APC2: variants seen among roughly 807,000 people sequenced by gnomAD.
The protein encoded by APC2 is APC regulator of Wnt signaling pathway 2.
In APC2, 41 loss-of-function variants were observed where a neutral mutation model predicts 72.5. That is an observed-to-expected ratio of 0.57 (90% CI 0.44 to 0.73). The LOEUF (loss-of-function observed/expected upper bound fraction) is 0.73, where lower values mean the gene tolerates loss of function less well. APC2 is among the 30% of genes least tolerant of loss of function. The pLI, the probability that APC2 is intolerant of heterozygous loss-of-function variation, is 0.00. For synonymous variants in APC2, 1,898 were observed against 1,612.0 expected (o/e 1.18, Z -4.25); for missense variants, 3,729 against 3,403.4 (o/e 1.10, Z -2.38).
At chr19:1,456,432 G>T in intron 8 of APC2, 28 bp downstream of exon 8, 1 of 1,560,304 alleles carries the variant, frequency 6.4e-7, no homozygotes, top group Non-Finnish European at 8.7e-7. Context: ...ACGGGGGCTG[G>T]CGCAGCTGTC....
At position 1,465,321 on chromosome 19, in the gene APC2, A is replaced by T. The variant is rs1261183554; in HGVS notation, c.2020A>T (p.Asn674Tyr). ...WDLGAVGMLR[N>Y]LVHSKHKMIA... Reference sequence around the variant, plus strand: ...CCTGGGCGCCGTGGGCATGCTGCGTAATCTGGTGCACTCCAAGCACAAGAT... The same window carrying T: ...CCTGGGCGCCGTGGGCATGCTGCGTTATCTGGTGCACTCCAAGCACAAGAT... The change falls in exon 15 of 15, where the codon AAT becomes TAT. Residue 674 changes from asparagine (N) to tyrosine (Y), a missense_variant. Physicochemically the swap from Asn to Tyr is moderately radical, Grantham distance 143. Transcript: ENST00000590469. The T allele has an allele frequency of 6.3e-7, 1 of 1,595,122 alleles. No homozygotes were observed.
chr19:1,468,779 C>G lies in APC2; in HGVS notation c.5478C>G (p.Pro1826=), dbSNP rs747343187. 6.6e-7 allele frequency: 1 copy of G among 1,510,938 alleles called. No homozygotes were observed. The highest frequency in any genetic ancestry group is 8.8e-7 in the Non-Finnish European group (1 of 1,130,832). 93.6% of individuals were successfully genotyped at this position (1,510,938 alleles called of 1,614,324 possible). A position where few individuals can be genotyped will look rare whatever the true frequency, so the allele number is the denominator to read the frequency against. ...RKVAPPCLAQ[P]AAPAKVPSPG... ...TGGCGCCCCCTTGCCTGGCACAGCC[C>G]GCGGCTCCAGCCAAAGTCCCGAGCC... is the stretch of plus-strand genomic sequence containing the variant. The change falls in exon 15 of 15, where the codon CCC becomes CCG. Residue 1826 remains proline (P), a synonymous_variant. Transcript: ENST00000590469.
At position 1,469,112 on chromosome 19, in the gene APC2, CCGGCGTGGG is replaced by C. The variant is rs2084083953; in HGVS notation, c.5813_5821del (p.Arg1938_Gly1940del). On this transcript the variant is annotated inframe_deletion, in exon 15 of 15. Transcript: ENST00000590469. ...GGATCCCGTTCATGCAGAGGCCGGC[CCGGCGTGGG>C]CCGCCACCGCTGGCTCGGGCAGTCC... 1.1e-5 allele frequency: 15 copies of C among 1,370,402 alleles called. No individual in the cohort carries two copies. Among genetic ancestry groups the C allele is most frequent in the Non-Finnish European group, 1.4e-5 (15 of 1,052,692 alleles). 84.9% of individuals were successfully genotyped at this position (1,370,402 alleles called of 1,614,324 possible).
At chr19:1,454,919 C>A (rs2145188201) in intron 4 of APC2, among the ~76,000 whole-genome samples, 1 of 151,858 alleles carries the variant, frequency 6.6e-6, no homozygotes, top group African/African-American at 2.4e-5. Flanking sequence ...GAGGGGGTCT[C>A]GCTATGTTGC....
chr19:1,470,140 TG>T lies in APC2; in HGVS notation c.6841del (p.Val2281TrpfsTer54), dbSNP rs1479290031. On this transcript the variant is annotated frameshift_variant, in exon 15 of 15. Transcript: ENST00000590469. LOFTEE classifies it low-confidence loss of function (END_TRUNC). Reference protein sequence around the residue: ...VPPFNYVPSPMVVAATTDSAA... With the variant: ...VPPFNYVPSPXVVAATTDSAA... ...CCCTTCAACTATGTGCCCAGCCCCA[TG>T]GTGGTCGCAGCCACCACCGACTCGG... is the stretch of plus-strand genomic sequence containing the variant. The T allele has an allele frequency of 6.2e-7, 1 of 1,602,376 alleles. No homozygotes were observed.
chr19:1,468,666 CG>C lies in APC2; in HGVS notation c.5369del (p.Gly1790AspfsTer4). Reference protein sequence around the residue: ...KTTPGVPAVLRGRTVIYVPSP... With the variant: ...KTTPGVPAVLXGRTVIYVPSP... The stretch of plus-strand genomic sequence containing the variant: ...CACGCCCGGGGTGCCAGCTGTGCTC[CG>C]GGGACGAACAGTGATCTACGTCCCC... On this transcript the variant is annotated frameshift_variant, in exon 15 of 15. Transcript: ENST00000590469. LOFTEE classifies it low-confidence loss of function (END_TRUNC). 1.3e-6 allele frequency: 2 copies of C among 1,580,356 alleles called. No individual in the cohort carries two copies. The highest frequency in any genetic ancestry group is 8.6e-7 in the Non-Finnish European group (1 of 1,161,030).
At chr19:1,457,696 T>C (rs1479857431) in intron 9 of APC2, 8 of 549,882 alleles carry the variant, frequency 1.5e-5, no homozygotes, top group Admixed American at 3.1e-5. Flanking sequence ...AGACCCTGTC[T>C]CGTCAGTTTT....
rs771753228 is a variant in APC2, at chr19:1,468,977, G to C, written c.5676G>C (p.Pro1892=). 3.2e-6 allele frequency: 5 copies of C among 1,558,002 alleles called. No homozygotes were observed. The South Asian group carries it at 5.9e-5, about 18-fold the overall frequency. ...ASQPLPRKRP[P]VTQAAGALPG... ...AGCCCCTGCCCAGAAAGCGCCCCCC[G>C]GTCACCCAGGCTGCTGGGGCCCTGC... The change falls in exon 15 of 15, where the codon CCG becomes CCC. Residue 1892 remains proline, a synonymous_variant. Coordinates refer to ENST00000590469, the MANE Select transcript of APC2 (RefSeq NM_005883.3).
At chr19:1,462,933 T>A (rs2083951050) in intron 14 of APC2, among the ~76,000 whole-genome samples, 3 of 148,834 alleles carry the variant, frequency 2.0e-5, no homozygotes, top group Non-Finnish European at 4.4e-5. Context: ...ATTGTGCCAC[T>A]GCACTCCAGA....
chr19:1,460,695 C>T, intron 11 of APC2, 85 bp from the exon 12 acceptor site: 1 of 1,363,716 alleles, frequency 7.3e-7, no homozygotes, highest in Non-Finnish European at 1.0e-6. Flanking sequence ...TTTGCAGCTG[C>T]AGCACACAGA....
At chr19:1,463,396 C>G (rs1260486365) in intron 14 of APC2, among the ~76,000 whole-genome samples, 2 of 141,166 alleles carry the variant, frequency 1.4e-5, no homozygotes, top group African/African-American at 5.6e-5. Context: ...CCAGCCTGGG[C>G]GACAGAGGGG....
At position 1,460,824 on chromosome 19, in the gene APC2, C is replaced by T. The variant is rs771021977; in HGVS notation, c.1488C>T (p.Ala496=). The part of the protein sequence containing the change: ...ARRGCMEAIV[A]QLASDSEELH... ...GCGGCTGCATGGAGGCCATCGTGGC[C>T]CAGCTGGCCTCCGACAGTGAGGAGC... is the stretch of plus-strand genomic sequence containing the variant. Residue 496 remains alanine (A), a synonymous_variant, in exon 12 of 15, where the codon GCC becomes GCT. Coordinates refer to ENST00000590469, the MANE Select transcript of APC2 (RefSeq NM_005883.3). The T allele has an allele frequency of 6.8e-6, 11 of 1,613,074 alleles. 1 individual carries two copies. The South Asian group carries it at 1.1e-4, about 16-fold the overall frequency.
In APC2 at chr19:1,460,654, C is replaced by T. The variant is rs548638704; in HGVS notation, c.1444-126C>T. 4.3e-5 allele frequency: 45 copies of T among 1,047,598 alleles called. 1 individual carries two copies. The highest frequency in any genetic ancestry group is 1.7e-4 in the South Asian group (11 of 63,502). The allele number at this position is 1,047,598 out of a possible 1,614,324, so 64.9% of individuals were successfully genotyped here. A position where few individuals can be genotyped will look rare whatever the true frequency, so the allele number is the denominator to read the frequency against. On this transcript the variant is annotated intron_variant, in intron 11 of 14. Coordinates refer to ENST00000590469, the MANE Select transcript of APC2 (RefSeq NM_005883.3). ...GACCTGAGCATGGGGTAACCGTCCCCGGTAGTGGTCAGGATCAGCAGGGGT... is the reference window on the plus strand; with the variant it reads ...GACCTGAGCATGGGGTAACCGTCCCTGGTAGTGGTCAGGATCAGCAGGGGT...
rs1275836503 is a variant in APC2, at chr19:1,469,569, G to T, written c.6268G>T (p.Ala2090Ser). 8.1e-7 allele frequency: 1 copy of T among 1,241,320 alleles called. No homozygotes were observed. Among genetic ancestry groups the T allele is most frequent in the South Asian group, 1.8e-5 (1 of 55,094 alleles). The allele number at this position is 1,241,320 out of a possible 1,614,324, so 76.9% of individuals were successfully genotyped here. ...GTCCCGCCTGCCTGTGCGCGCGCCC[G>T]CCGCCCGGCCGGAGACTGTCAAGCG... is the stretch of plus-strand genomic sequence containing the variant. Reference protein sequence around the residue: ...SPSRLPVRAPAARPETVKRYA... With the variant: ...SPSRLPVRAPSARPETVKRYA... Residue 2090 changes from alanine to serine, a missense_variant, in exon 15 of 15, where the codon GCC becomes TCC. Coordinates refer to ENST00000590469, the MANE Select transcript of APC2 (RefSeq NM_005883.3).
In APC2 at chr19:1,467,738, G is replaced by A. The variant is rs897498631; in HGVS notation, c.4437G>A (p.Lys1479=). The change falls in exon 15 of 15, where the codon AAG becomes AAA. Residue 1479 remains lysine, a synonymous_variant. Transcript: ENST00000590469. ...LGRPPSAPAD[K]DGSKPGRTRG... ...GGCCCCCGAGCGCCCCCGCAGACAA[G>A]GACGGCTCAAAGCCCGGCCGGACCC... 2 of 1,438,944 alleles carry A rather than the reference G, an allele frequency of 1.4e-6. No individual in the cohort carries two copies. The highest frequency in any genetic ancestry group is 1.8e-6 in the Non-Finnish European group (2 of 1,104,524). The allele number at this position is 1,438,944 out of a possible 1,614,324, so 89.1% of individuals were successfully genotyped here. A position where few individuals can be genotyped will look rare whatever the true frequency, so the allele number is the denominator to read the frequency against.
chr19:1,448,648 A>G (rs534771540), upstream of APC2, among the ~76,000 whole-genome samples: 1 of 151,690 alleles, frequency 6.6e-6, no homozygotes, highest in South Asian at 2.1e-4. Flanking sequence ...GATCGAGACC[A>G]TCCTGGCTAA....
chr19:1,457,517 C>A (rs1417490307), intron 9 of APC2: 4 of 546,066 alleles, frequency 7.3e-6, no homozygotes, highest in African/African-American at 4.0e-5. Flanking sequence ...CTTTGAGATT[C>A]TTTTTTTGCA....
rs1226418210 is a variant in APC2, at chr19:1,461,862, A to C, written c.1639-101A>C. 2.1e-4 allele frequency: 212 copies of C among 1,031,588 alleles called. 1 individual carries two copies. The highest frequency in any genetic ancestry group is 8.0e-4 in the African/African-American group (46 of 57,632). 63.9% of individuals were successfully genotyped at this position (1,031,588 alleles called of 1,614,324 possible). A position where few individuals can be genotyped will look rare whatever the true frequency, so the allele number is the denominator to read the frequency against. On this transcript the variant is annotated intron_variant, in intron 13 of 14. Coordinates refer to ENST00000590469, the MANE Select transcript of APC2 (RefSeq NM_005883.3). Reference sequence around the variant, plus strand: ...GTGAGATTCCGTCTCAAAAAAAAAAAACAAAAAACAAAAAAACCCAACTTC... The same window carrying C: ...GTGAGATTCCGTCTCAAAAAAAAAACACAAAAAACAAAAAAACCCAACTTC...
chr19:1,466,072 A>G lies in APC2; in HGVS notation c.2771A>G (p.Asn924Ser). Residue 924 changes from asparagine to serine, a missense_variant, in exon 15 of 15, where the codon AAC becomes AGC. Transcript: ENST00000590469. Reference sequence around the variant, plus strand: ...AAGGCGGCCCACGCCAGCCTCTCCAACGACAGCCTCAACAGCGGCAGTGCC... The same window carrying G: ...AAGGCGGCCCACGCCAGCCTCTCCAGCGACAGCCTCAACAGCGGCAGTGCC... ...RLKAAHASLSNDSLNSGSASD... is the reference protein window; with the variant it reads ...RLKAAHASLSSDSLNSGSASD... 6.6e-7 allele frequency: 1 copy of G among 1,522,786 alleles called. No individual in the cohort carries two copies. Among genetic ancestry groups the G allele is most frequent in the South Asian group, 1.2e-5 (1 of 80,240 alleles). 94.3% of individuals were successfully genotyped at this position (1,522,786 alleles called of 1,614,324 possible). A position where few individuals can be genotyped will look rare whatever the true frequency, so the allele number is the denominator to read the frequency against.
Sources: gnomAD v4.1 joint callset for allele counts (sites outside exome capture counted in the v4.1 genomes callset) on GRCh38, gnomAD v4.1.1 for gene constraint, MANE v1.5 for transcripts, NCBI Gene and HGNC (gene_info 2026-07-23, HGNC 2026-07-21) for gene names.